The following MAN1A2 variants were observed in gnomAD, a reference collection of about 807,000 sequenced individuals.
MAN1A2 encodes mannosidase alpha class 1A member 2, also known as mannosyl-oligosaccharide 1,2-alpha-mannosidase IB.
In MAN1A2, 26 loss-of-function variants were observed where a neutral mutation model predicts 75.7. The ratio of observed to expected loss-of-function variants is 0.34; its 90% CI spans 0.25 to 0.48. The LOEUF is 0.48. Ranked by LOEUF, MAN1A2 falls within the 20% of genes least tolerant of loss-of-function variation. The pLI, the probability that MAN1A2 is intolerant of heterozygous loss-of-function variation, is 0.99. For missense variants in MAN1A2, 562 were observed against 775.5 expected, an observed-to-expected ratio of 0.72 and a Z score of 3.27; for synonymous variants, 247 against 264.6, an observed-to-expected ratio of 0.93 and a Z score of 0.65.
In MAN1A2 at chr1:117,486,756, G is replaced by A. The variant is rs549314308; in HGVS notation, c.1169-6391G>A. Among the ~76,000 whole-genome samples, 117 of 151,992 alleles carry A rather than the reference G, an allele frequency of 7.7e-4. No individual in the cohort carries two copies. In the South Asian group the frequency reaches 0.011, roughly 14 times the overall value. On this transcript the variant is annotated intron_variant, in intron 8 of 12. Transcript: ENST00000356554. ...GAGGTTCAATTTCCAATTAATGAGC[G>A]TTTCAGAGGAGATAACTGAGAAAGT...
chr1:117,454,297 A>G (rs1416983577), intron 6 of MAN1A2, among the ~76,000 whole-genome samples: 1 of 152,186 alleles, frequency 6.6e-6, no homozygotes, highest in East Asian at 1.9e-4. Context: ...AGATTCCAAC[A>G]TTTGATGGAA....
intron 8 of MAN1A2, 46 bp downstream of exon 8, chr1:117,466,473 C>A: frequency 1.6e-6 from 2 of 1,266,712 alleles, no homozygotes; most frequent in South Asian, 2.7e-5. Context: ...AATTATTTGT[C>A]TGAAAACTCT....
intron 12 of MAN1A2, among the ~76,000 whole-genome samples, chr1:117,514,161 G>A (rs569993119): frequency 2.6e-5 from 4 of 151,992 alleles, no homozygotes; most frequent in Non-Finnish European, 4.4e-5. Context: ...TCAGGAGTTC[G>A]AGACCAGCCT....
intron 12 of MAN1A2, among the ~76,000 whole-genome samples, chr1:117,506,705 A>G (rs1326707955): frequency 5.9e-5 from 9 of 151,754 alleles, no homozygotes; most frequent in African/African-American, 2.2e-4. Context: ...AACCTGAAAA[A>G]CAAGGGAATA....
At chr1:117,471,535 G>GTAGGCA (rs1650153404) in intron 8 of MAN1A2, among the ~76,000 whole-genome samples, 1 of 151,804 alleles carries the variant, frequency 6.6e-6, no homozygotes, top group African/African-American at 2.4e-5. Context: ...AATTTGACAT[G>GTAGGCA]TAGGCATATA....
intron 8 of MAN1A2, among the ~76,000 whole-genome samples, chr1:117,485,456 G>A (rs1316971070): frequency 1.3e-5 from 2 of 151,898 alleles, no homozygotes; most frequent in African/African-American, 4.8e-5. Context: ...TTGAAGGCAA[G>A]GGGGAGGTAA....
At chr1:117,436,419 A>C (rs190332024) in intron 5 of MAN1A2, among the ~76,000 whole-genome samples, 1 of 152,210 alleles carries the variant, frequency 6.6e-6, no homozygotes, top group Non-Finnish European at 1.5e-5. Context: ...GGGTGATAAA[A>C]CTGGTTCTAC....
chr1:117,510,782 T>A (rs959908170), intron 12 of MAN1A2, among the ~76,000 whole-genome samples: 2 of 152,058 alleles, frequency 1.3e-5, no homozygotes, highest in Admixed American at 6.6e-5. Flanking sequence ...TGTAAAATAA[T>A]CCTGACATAA....
At chr1:117,511,841 C>A (rs1005059923) in intron 12 of MAN1A2, among the ~76,000 whole-genome samples, 1 of 151,990 alleles carries the variant, frequency 6.6e-6, no homozygotes, top group East Asian at 1.9e-4. Flanking sequence ...TAAGCATTCC[C>A]CAATTAGAAT....
chr1:117,401,905 CTG>C (rs1647441996), intron 1 of MAN1A2, among the ~76,000 whole-genome samples: 1 of 151,928 alleles, frequency 6.6e-6, no homozygotes, highest in South Asian at 2.1e-4. Context: ...TCACTGGTGT[CTG>C]TTTTTTGCAA....
Position 117,487,413 on chromosome 1 carries a change from A to G in MAN1A2, c.1169-5734A>G, listed in dbSNP as rs10923319. ...TAAGTAACATGGTTGATAGGCTAGGATACAATAAATGATTAGGGAAAGTGA... is the reference window on the plus strand; with the variant it reads ...TAAGTAACATGGTTGATAGGCTAGGGTACAATAAATGATTAGGGAAAGTGA... On this transcript the variant is annotated intron_variant, in intron 8 of 12. Transcript: ENST00000356554. Among the ~76,000 whole-genome samples, 583 of 152,164 alleles carry G rather than the reference A, an allele frequency of 3.8e-3. 7 individuals carry two copies. Among genetic ancestry groups the G allele is most frequent in the African/African-American group, 0.013 (553 of 41,560 alleles).
chr1:117,459,456 G>A (rs1176561142), intron 6 of MAN1A2, among the ~76,000 whole-genome samples: 1 of 152,130 alleles, frequency 6.6e-6, no homozygotes, highest in Admixed American at 6.5e-5. Flanking sequence ...AAATACCCCT[G>A]GCTTCCAACT....
At chr1:117,418,781 T>C (rs1227917031) in intron 4 of MAN1A2, among the ~76,000 whole-genome samples, 1 of 152,200 alleles carries the variant, frequency 6.6e-6, no homozygotes, top group Non-Finnish European at 1.5e-5. Context: ...CTGATACCTT[T>C]TGTTTCTGTA....
intron 6 of MAN1A2, among the ~76,000 whole-genome samples, chr1:117,455,657 C>G (rs1276119164): frequency 6.6e-6 from 1 of 151,840 alleles, no homozygotes; most frequent in Admixed American, 6.6e-5. Flanking sequence ...TAGAAGAGAC[C>G]AGTGAGTATT....
At chr1:117,475,471 C>T (rs568958302) in intron 8 of MAN1A2, among the ~76,000 whole-genome samples, 6 of 151,956 alleles carry the variant, frequency 3.9e-5, no homozygotes, top group South Asian at 4.1e-4. Flanking sequence ...CCCATCAACT[C>T]GTCATCTACG....
At chr1:117,519,754 AG>A (rs2101033926) in intron 12 of MAN1A2, among the ~76,000 whole-genome samples, 1 of 152,150 alleles carries the variant, frequency 6.6e-6, no homozygotes, top group Admixed American at 6.6e-5. Flanking sequence ...AGACATTCTA[AG>A]AAGAATTGGT....
chr1:117,502,882 G>A lies in MAN1A2; in HGVS notation c.1705G>A (p.Gly569Ser), dbSNP rs1333162026. 17 of 1,604,846 alleles carry A rather than the reference G, an allele frequency of 1.1e-5. No individual in the cohort carries two copies. The highest frequency in any genetic ancestry group is 1.3e-5 in the Non-Finnish European group (15 of 1,173,560). ...LAIEKYCRVN[G>S]GFSGVKDVYS... is the part of the protein sequence containing the mutation. ...CATTGAAAAGTATTGCCGAGTTAAT[G>A]GTGGGTTTTCTGGAGTCAAAGATGT... The change falls in exon 12 of 13, where the codon GGT becomes AGT. Residue 569 changes from glycine to serine, a missense_variant. Gly to Ser is a moderately conservative substitution (Grantham distance 56). Transcript: ENST00000356554.
intron 12 of MAN1A2, among the ~76,000 whole-genome samples, chr1:117,506,260 A>G (rs1324153095): frequency 6.6e-6 from 1 of 151,524 alleles, no homozygotes; most frequent in Admixed American, 6.6e-5. Flanking sequence ...GGCAACAATC[A>G]ATGTGTTTTA....
chr1:117,478,312 T>C (rs1295557324), intron 8 of MAN1A2, among the ~76,000 whole-genome samples: 3 of 152,022 alleles, frequency 2.0e-5, no homozygotes, highest in South Asian at 2.1e-4. Context: ...GAGATTTCAG[T>C]ATATATTCTG....
Sources: gnomAD v4.1 joint callset for allele counts (sites outside exome capture counted in the v4.1 genomes callset) on GRCh38, gnomAD v4.1.1 for gene constraint, MANE v1.5 for transcripts, NCBI Gene and HGNC (gene_info 2026-07-23, HGNC 2026-07-21) for gene names.